Variants in B4GALT5 observed in about 807,000 individuals in gnomAD.
B4GALT5 encodes the protein UDP-Gal:beta-GlcNAc beta-1,4-galactosyltransferase 5.
Under a neutral mutation model 45.0 loss-of-function variants are expected in B4GALT5, and 11 were observed. The ratio of observed to expected loss-of-function variants is 0.24; its 90% CI spans 0.15 to 0.40. B4GALT5 has a LOEUF of 0.40. B4GALT5 is among the 10% of genes least tolerant of loss of function. The pLI is 1.00. For missense variants in B4GALT5, 337 were observed against 500.2 expected, an observed-to-expected ratio of 0.67 and a Z score of 3.11; for synonymous variants, 185 against 182.9, an observed-to-expected ratio of 1.01 and a Z score of -0.09.
intron 1 of B4GALT5, among the ~76,000 whole-genome samples, chr20:49,704,008 G>C (rs1164222721): frequency 6.6e-6 from 1 of 151,944 alleles, no homozygotes; most frequent in Non-Finnish European, 1.5e-5. Context: ...TCATTTTTCT[G>C]AACAGGAATA....
intron 1 of B4GALT5, among the ~76,000 whole-genome samples, chr20:49,704,448 G>A (rs567204287): frequency 2.0e-5 from 3 of 152,212 alleles, no homozygotes; most frequent in East Asian, 1.9e-4. Flanking sequence ...GGCCGGGCGC[G>A]GTGGCTCACG....
At chr20:49,700,376 A>C (rs1407079478) in intron 1 of B4GALT5, among the ~76,000 whole-genome samples, 1 of 152,212 alleles carries the variant, frequency 6.6e-6, no homozygotes, top group Non-Finnish European at 1.5e-5. Context: ...GGCTGGAGTG[A>C]TCATGGCTCA....
intron 2 of B4GALT5, among the ~76,000 whole-genome samples, chr20:49,648,387 C>T (rs970368309): frequency 2.0e-5 from 3 of 152,116 alleles, no homozygotes; most frequent in Admixed American, 2.0e-4. Flanking sequence ...CAGCTCTTGC[C>T]AGGATGGGGA....
At chr20:49,640,371 T>C in intron 6 of B4GALT5, 107 bp downstream of exon 6, 5 of 971,874 alleles carry the variant, frequency 5.1e-6, no homozygotes, top group Non-Finnish European at 7.4e-6. Context: ...TGTTTATCCA[T>C]CCATCAGTTG....
Position 49,633,231 on chromosome 20 carries a change from T to G in B4GALT5, c.*3081A>C, listed in dbSNP as rs1984419408. 6.5e-6 allele frequency: 1 copy of G among 152,686 alleles called. No individual in the cohort carries two copies. The highest frequency in any genetic ancestry group is 2.4e-5 in the African/African-American group (1 of 41,466). The allele number at this position is 152,686 out of a possible 1,614,324, so 9.5% of individuals were successfully genotyped here. On this transcript the variant is annotated 3_prime_UTR_variant, in exon 9 of 9. Transcript: ENST00000371711. ...CATGTGGCTCCTGCTCAGCTATTAA[T>G]GTCTGTGGTAGAGGATCTCTGACAA...
intron 1 of B4GALT5, among the ~76,000 whole-genome samples, chr20:49,669,865 G>T (rs1393510904): frequency 7.3e-6 from 1 of 136,254 alleles, no homozygotes; most frequent in Non-Finnish European, 1.6e-5. Context: ...CAACTGTGCT[G>T]GTGTTCGTGC....
chr20:49,644,156 A>C (rs1309423483), intron 3 of B4GALT5, among the ~76,000 whole-genome samples: 1 of 151,616 alleles, frequency 6.6e-6, no homozygotes, highest in African/African-American at 2.4e-5. Context: ...CGAACTCCTG[A>C]CCTCAAGGGA....
intron 1 of B4GALT5, among the ~76,000 whole-genome samples, chr20:49,710,538 G>C (rs1211402562): frequency 1.3e-5 from 2 of 151,522 alleles, no homozygotes; most frequent in African/African-American, 2.4e-5. Context: ...TCCTGCCTCA[G>C]CCTCCTGAGT....
In B4GALT5 at chr20:49,636,350, T is replaced by C. The variant is rs750626690; in HGVS notation, c.1129A>G (p.Asn377Asp). 12 of 1,614,190 alleles carry C rather than the reference T, an allele frequency of 7.4e-6. No individual in the cohort carries two copies. Among genetic ancestry groups the C allele is most frequent in the Non-Finnish European group, 1.0e-5 (12 of 1,180,036 alleles). The part of the protein sequence containing the change: ...YDALYKNITV[N>D]LTPELAQVNE... ...ACCTGAGCCAGCTCGGGTGTCAGGT[T>C]GACAGTTATGTTTTTATACAAGGCG... is the stretch of plus-strand genomic sequence containing the variant. Residue 377 changes from asparagine (N) to aspartate (D), a missense_variant, in exon 9 of 9, where the codon AAC becomes GAC. By Grantham distance (23) the Asn-to-Asp change is conservative. Around this residue, in one of 2 missense-constraint regions of B4GALT5, gnomAD observed 163 missense variants for 292.8 expected, o/e 0.56. Coordinates refer to ENST00000371711, the MANE Select transcript of B4GALT5 (RefSeq NM_004776.4).
intron 1 of B4GALT5, among the ~76,000 whole-genome samples, chr20:49,708,973 C>T (rs763436015): frequency 2.0e-5 from 3 of 152,106 alleles, no homozygotes; most frequent in Non-Finnish European, 4.4e-5. Context: ...AACAATTACC[C>T]CTAACCATGC....
intron 1 of B4GALT5, among the ~76,000 whole-genome samples, chr20:49,659,671 C>A (rs1420473840): frequency 1.3e-5 from 2 of 152,158 alleles, no homozygotes; most frequent in African/African-American, 2.4e-5. Flanking sequence ...GGAACACTCA[C>A]CAATATCATC....
chr20:49,685,795 A>G (rs1286048118), intron 1 of B4GALT5, among the ~76,000 whole-genome samples: 13 of 152,214 alleles, frequency 8.5e-5, no homozygotes, highest in African/African-American at 3.1e-4. Context: ...AGAGCTTTCA[A>G]AAACCTCACG....
chr20:49,639,810 G>A lies in B4GALT5; in HGVS notation c.795-10C>T. 6.2e-7 allele frequency: 1 copy of A among 1,612,074 alleles called. No homozygotes were observed. Among genetic ancestry groups the A allele is most frequent in the Non-Finnish European group, 8.5e-7 (1 of 1,178,596 alleles). On this transcript the variant is annotated splice_polypyrimidine_tract_variant and intron_variant, in intron 6 of 8. Coordinates refer to ENST00000371711, the MANE Select transcript of B4GALT5 (RefSeq NM_004776.4). The stretch of plus-strand genomic sequence containing the variant: ...CTCGGTATAAGGAAGCCTAGGAGGA[G>A]ATGTGGGACATCAATCATCTGTGTG...
intron 1 of B4GALT5, among the ~76,000 whole-genome samples, chr20:49,700,000 G>GCTGCCCCCCACCCTTGCC (rs2085855129): frequency 6.6e-6 from 1 of 152,046 alleles, no homozygotes; most frequent in South Asian, 2.1e-4. Context: ...CTATTCCTCC[G>GCTGCCCCCCACCCTTGCC]CTGCCCCCCA....
intron 1 of B4GALT5, among the ~76,000 whole-genome samples, chr20:49,688,349 C>T (rs1568730673): frequency 6.6e-6 from 1 of 152,048 alleles, no homozygotes; most frequent in Non-Finnish European, 1.5e-5. Flanking sequence ...CCGTGGGGGA[C>T]AAAGATTAAA....
At chr20:49,693,209 G>A (rs1156612728) in intron 1 of B4GALT5, among the ~76,000 whole-genome samples, 1 of 152,178 alleles carries the variant, frequency 6.6e-6, no homozygotes, top group African/African-American at 2.4e-5. Flanking sequence ...GACTGTGTTT[G>A]TGAATTCATC....
intron 2 of B4GALT5, among the ~76,000 whole-genome samples, chr20:49,653,133 T>C: frequency 6.6e-6 from 1 of 152,240 alleles, no homozygotes; most frequent in East Asian, 1.9e-4. Context: ...TTTCTGATTT[T>C]TTAGGATTTT....
chr20:49,651,845 G>A (rs1345493365), intron 2 of B4GALT5, among the ~76,000 whole-genome samples: 2 of 152,074 alleles, frequency 1.3e-5, no homozygotes, highest in South Asian at 2.1e-4. Flanking sequence ...TTGGGAGGCC[G>A]AGGTGAGCAG....
intron 1 of B4GALT5, among the ~76,000 whole-genome samples, chr20:49,698,110 T>TC (rs1208325642): frequency 6.6e-6 from 1 of 152,104 alleles, no homozygotes; most frequent in Non-Finnish European, 1.5e-5. Flanking sequence ...TTACCTGAAG[T>TC]CAGGAGTTCA....
Sources: allele counts gnomAD v4.1 joint callset (sites outside exome capture counted in the v4.1 genomes callset), GRCh38; gene constraint gnomAD v4.1.1; regional missense constraint gnomAD v4.1.1; transcripts MANE v1.5; gene names NCBI Gene and HGNC (gene_info 2026-07-23, HGNC 2026-07-21).